The following ARPP21 variants were observed in gnomAD, a reference collection of about 807,000 sequenced individuals.
ARPP21 encodes cAMP regulated phosphoprotein 21, also known as cAMP-regulated phosphoprotein 21.
A neutral mutation model predicts 113.2 loss-of-function variants in ARPP21; 69 were observed. The ratio of observed to expected loss-of-function variants is 0.61; its 90% CI spans 0.50 to 0.74. The LOEUF (loss-of-function observed/expected upper bound fraction) is 0.74, where lower values mean the gene tolerates loss of function less well. Ranked by LOEUF, ARPP21 falls within the 30% of genes least tolerant of loss-of-function variation. ARPP21 has a pLI of 0.00. For synonymous variants in ARPP21, 368 were observed against 375.5 expected, an observed-to-expected ratio of 0.98 and a Z score of 0.23; for missense variants, 1,070 against 1,037.4, an observed-to-expected ratio of 1.03 and a Z score of -0.43.
At chr3:35,648,604 A>G (rs1462535136) in intron 1 of ARPP21, among the ~76,000 whole-genome samples, 2 of 152,178 alleles carry the variant, frequency 1.3e-5, no homozygotes, top group Non-Finnish European at 2.9e-5. Flanking sequence ...AAGTATCTGC[A>G]TTACTTTTGC....
intron 1 of ARPP21, among the ~76,000 whole-genome samples, chr3:35,669,519 C>T (rs1048529387): frequency 1.3e-5 from 2 of 152,218 alleles, no homozygotes; most frequent in African/African-American, 2.4e-5. Context: ...CTCTTTTAAA[C>T]GTTCAAAACC....
intron 13 of ARPP21, among the ~76,000 whole-genome samples, 177 bp downstream of exon 13, chr3:35,717,534 A>C (rs1576248372): frequency 6.6e-6 from 1 of 152,224 alleles, no homozygotes; most frequent in East Asian, 1.9e-4. Context: ...ATGAGATATG[A>C]GACTGGAAAT....
At chr3:35,776,262 T>C (rs2096363607) in intron 19 of ARPP21, among the ~76,000 whole-genome samples, 1 of 152,156 alleles carries the variant, frequency 6.6e-6, no homozygotes, top group African/African-American at 2.4e-5. Flanking sequence ...TGCTCAATCT[T>C]TTAGTGCACA....
intron 5 of ARPP21, chr3:35,685,087 G>T: frequency 1.0e-6 from 1 of 985,392 alleles, no homozygotes; most frequent in Non-Finnish European, 1.2e-6. Flanking sequence ...GACCCTGGGA[G>T]AAGTAATGCC....
chr3:35,647,620 A>G (rs1237581772), intron 1 of ARPP21, among the ~76,000 whole-genome samples: 1 of 152,198 alleles, frequency 6.6e-6, no homozygotes, highest in Non-Finnish European at 1.5e-5. Flanking sequence ...GTGTATCTGA[A>G]TCGCATTTTC....
At chr3:35,738,142 A>G (rs2094466325) in intron 16 of ARPP21, 72 bp from the exon 17 acceptor site, 4 of 925,192 alleles carry the variant, frequency 4.3e-6, no homozygotes, top group South Asian at 1.4e-5. Context: ...TATGAAGGAC[A>G]GTGGTGTGCA....
At chr3:35,770,525 C>T (rs761873311) in intron 19 of ARPP21, among the ~76,000 whole-genome samples, 1 of 152,184 alleles carries the variant, frequency 6.6e-6, no homozygotes, top group Non-Finnish European at 1.5e-5. Flanking sequence ...TGTAGTCAAA[C>T]AGTTGCTGCC....
chr3:35,702,740 T>C (rs150949136), intron 9 of ARPP21, among the ~76,000 whole-genome samples: 112 of 151,950 alleles, frequency 7.4e-4, no homozygotes, highest in African/African-American at 2.5e-3. Flanking sequence ...TTATAAGGTA[T>C]AGTCTCATTT....
intron 5 of ARPP21, chr3:35,684,887 C>T (rs958147813): frequency 7.1e-6 from 7 of 984,890 alleles, no homozygotes; most frequent in African/African-American, 1.8e-5. Context: ...TACTATGTTT[C>T]GTACACATGC....
At chr3:35,780,058 C>T (rs2096486063) in intron 19 of ARPP21, among the ~76,000 whole-genome samples, 3 of 152,156 alleles carry the variant, frequency 2.0e-5, no homozygotes, top group African/African-American at 7.2e-5. Flanking sequence ...AAATCATTCC[C>T]CCTCTGCACT....
chr3:35,708,838 CAGAG>C (rs1343200734), intron 10 of ARPP21, 127 bp from the exon 11 acceptor site: 1 of 661,190 alleles, frequency 1.5e-6, no homozygotes, highest in African/African-American at 1.8e-5. Flanking sequence ...CCTCAGGAAA[CAGAG>C]AGAATGAGAT....
intron 11 of ARPP21, among the ~76,000 whole-genome samples, chr3:35,710,867 T>G (rs986652617): frequency 6.6e-6 from 1 of 152,190 alleles, no homozygotes; most frequent in African/African-American, 2.4e-5. Context: ...TACATTGCAT[T>G]TCCTTACAAC....
chr3:35,701,601 C>T (rs1454526899), intron 9 of ARPP21, among the ~76,000 whole-genome samples: 1 of 151,530 alleles, frequency 6.6e-6, no homozygotes, highest in African/African-American at 2.4e-5. Flanking sequence ...TGCAATCTTT[C>T]TCTATAACAT....
chr3:35,724,431 C>T (rs2150360731), intron 14 of ARPP21, among the ~76,000 whole-genome samples: 1 of 152,308 alleles, frequency 6.6e-6, no homozygotes, highest in East Asian at 1.9e-4. Context: ...ATCTTCAAAG[C>T]AGGGTTTCTG....
At chr3:35,751,333 A>G (rs967880626) in intron 19 of ARPP21, among the ~76,000 whole-genome samples, 16 of 152,130 alleles carry the variant, frequency 1.1e-4, no homozygotes. Flanking sequence ...TTTCCATTAA[A>G]ATGTTTTACT....
intron 19 of ARPP21, among the ~76,000 whole-genome samples, chr3:35,759,799 G>A (rs934278271): frequency 4.0e-5 from 6 of 151,786 alleles, no homozygotes; most frequent in South Asian, 2.1e-4. Flanking sequence ...CTTCCGAAGC[G>A]TTTCTCATTG....
intron 10 of ARPP21, among the ~76,000 whole-genome samples, chr3:35,708,578 C>A (rs2150026465): frequency 6.6e-6 from 1 of 152,338 alleles, no homozygotes; most frequent in South Asian, 2.1e-4. Context: ...CTAGCCACTT[C>A]CTCTTTTTTC....
chr3:35,640,420 C>CG (rs1219496948), intron 1 of ARPP21, 22 bp downstream of exon 1: 3 of 152,200 alleles, frequency 2.0e-5, no homozygotes, highest in Admixed American at 6.5e-5. Context: ...GGTCTTCCGA[C>CG]GTGAACATTG....
Position 35,668,026 on chromosome 3 carries a change from GA to G in ARPP21, c.-212-11759del, listed in dbSNP as rs1254288718. ...AGAAGAAGAAGAAGAAGAAGAAGAAGAAGAAGGAGAAGAAGAAGAAAGAAGA... is the reference window on the plus strand; with the variant it reads ...AGAAGAAGAAGAAGAAGAAGAAGAAGAGAAGGAGAAGAAGAAGAAAGAAGA... On this transcript the variant is annotated intron_variant, in intron 1 of 20. Transcript: ENST00000684406. Among the ~76,000 whole-genome samples the G allele has an allele frequency of 3.0e-3, 433 of 144,010 alleles. 2 individuals are homozygous for G. The highest frequency in any genetic ancestry group is 4.9e-3 in the Admixed American group (71 of 14,596). 94.5% of individuals were successfully genotyped at this position (144,010 alleles called of 152,430 possible).
Sources: allele counts gnomAD v4.1 joint callset (sites outside exome capture counted in the v4.1 genomes callset), GRCh38; gene constraint gnomAD v4.1.1; transcripts MANE v1.5; gene names NCBI Gene and HGNC (gene_info 2026-07-23, HGNC 2026-07-21).